CNTN1: variants seen among roughly 807,000 people sequenced by gnomAD.
The protein encoded by CNTN1 is contactin-1.
A neutral mutation model predicts 126.4 loss-of-function variants in CNTN1; 38 were observed. The ratio of observed to expected loss-of-function variants is 0.30; its 90% CI spans 0.23 to 0.39. The LOEUF is 0.39. Ranked by LOEUF, CNTN1 falls within the 10% of genes least tolerant of loss-of-function variation. The pLI, the probability that CNTN1 is intolerant of heterozygous loss-of-function variation, is 1.00. For missense variants in CNTN1, 1,009 were observed against 1,248.4 expected (o/e 0.81, Z 2.89); for synonymous variants, 413 against 422.6 (o/e 0.98, Z 0.28).
chr12:40,888,599 A>T (rs550209812), intron 1 of CNTN1, among the ~76,000 whole-genome samples: 1 of 151,610 alleles, frequency 6.6e-6, no homozygotes, highest in East Asian at 1.9e-4. Context: ...ACGTAAAGAA[A>T]TGTGATTAAC....
At position 40,971,381 on chromosome 12, in the gene CNTN1, C is replaced by G. The variant is rs1947504125; in HGVS notation, c.1805-9528C>G. 3 of 1,477,520 alleles carry G rather than the reference C, an allele frequency of 2.0e-6. No homozygotes were observed. In the Admixed American group the frequency reaches 5.5e-5, roughly 27 times the overall value. 91.5% of individuals were successfully genotyped at this position (1,477,520 alleles called of 1,614,324 possible). A position where few individuals can be genotyped will look rare whatever the true frequency, so the allele number is the denominator to read the frequency against. ...AATCCCCCAAGTGCATGGCTTCCTG[C>G]CCCTAATTGGGCATCCACACTCTCC... On this transcript the variant is annotated intron_variant, in intron 15 of 23. Transcript: ENST00000551295.
intron 1 of CNTN1, among the ~76,000 whole-genome samples, chr12:40,751,508 A>G (rs1277217550): frequency 6.6e-6 from 1 of 152,050 alleles, no homozygotes; most frequent in Non-Finnish European, 1.5e-5. Context: ...AGAGAGAGAA[A>G]TAAAGGAGGT....
rs538728156 is a variant in CNTN1 at position 41,031,529 on chromosome 12, ATT to A, written c.2980+2311_2980+2312del. Among the ~76,000 whole-genome samples the A allele has an allele frequency of 3.4e-3, 525 of 152,320 alleles. 2 individuals are homozygous for A. The highest frequency in any genetic ancestry group is 0.012 in the African/African-American group (489 of 41,570). ...ATTTTAATAATTACATTTTTAACAC[ATT>A]GCTCATACATTTCCTAAAAATTTAA... On this transcript the variant is annotated intron_variant, in intron 23 of 23. Transcript: ENST00000551295.
chr12:40,835,739 G>C (rs529392439), intron 1 of CNTN1, among the ~76,000 whole-genome samples: 1 of 150,636 alleles, frequency 6.6e-6, no homozygotes, highest in South Asian at 2.1e-4. Context: ...TTAATCTCTT[G>C]AATTAAACTT....
intron 1 of CNTN1, chr12:40,895,881 C>T (rs1355123104): frequency 6.6e-6 from 1 of 151,996 alleles, no homozygotes; most frequent in African/African-American, 2.4e-5. Context: ...CCTCAGCCTC[C>T]CGAGTAGCTG....
chr12:40,943,031 A>C (rs948940765), intron 12 of CNTN1, among the ~76,000 whole-genome samples: 5 of 152,080 alleles, frequency 3.3e-5, no homozygotes, highest in Admixed American at 2.0e-4. Context: ...TATACAATAA[A>C]ACTTAGTGAG....
intron 17 of CNTN1, among the ~76,000 whole-genome samples, chr12:40,994,699 G>A (rs986803799): frequency 2.2e-4 from 33 of 151,998 alleles, no homozygotes; most frequent in Admixed American, 1.0e-3. Context: ...TACATATCCT[G>A]ATGAAATTTC....
chr12:40,707,227 CTTTTT>C (rs370984371), intron 1 of CNTN1, among the ~76,000 whole-genome samples: 2 of 109,176 alleles, frequency 1.8e-5, no homozygotes, highest in Non-Finnish European at 3.6e-5. Flanking sequence ...TTTTCTTTTT[CTTTTT>C]TTTTTTTTTT....
At position 41,070,089 on chromosome 12, in the gene CNTN1, C is replaced by G. The variant is rs2069706845; in HGVS notation, c.*54C>G. On this transcript the variant is annotated 3_prime_UTR_variant, in exon 24 of 24. Transcript: ENST00000551295. ...CCAGCTCAGAAGACACCCTTCAACC[C>G]TGGGATGACCACAATTCCTTCCAAT... 2.7e-6 allele frequency: 4 copies of G among 1,471,852 alleles called. No homozygotes were observed. The highest frequency in any genetic ancestry group is 3.8e-6 in the Non-Finnish European group (4 of 1,051,554). 91.2% of individuals were successfully genotyped at this position (1,471,852 alleles called of 1,614,324 possible).
chr12:40,910,526 C>T (rs993135447), intron 3 of CNTN1, among the ~76,000 whole-genome samples: 3 of 152,070 alleles, frequency 2.0e-5, no homozygotes, highest in Non-Finnish European at 4.4e-5. Flanking sequence ...ACAGGTATTG[C>T]AAAATTTATT....
At chr12:40,880,619 T>C (rs899479350) in intron 1 of CNTN1, among the ~76,000 whole-genome samples, 1 of 152,014 alleles carries the variant, frequency 6.6e-6, no homozygotes, top group South Asian at 2.1e-4. Context: ...TAGTAAAAGA[T>C]TGTGCGTCAC....
chr12:41,042,233 G>A (rs555075419), intron 23 of CNTN1, among the ~76,000 whole-genome samples: 1 of 151,212 alleles, frequency 6.6e-6, no homozygotes, highest in Admixed American at 6.6e-5. Context: ...GTTTTGAGTG[G>A]GTTTCTTAAT....
intron 23 of CNTN1, among the ~76,000 whole-genome samples, chr12:41,036,212 C>T (rs1198581991): frequency 6.6e-6 from 1 of 152,140 alleles, no homozygotes; most frequent in East Asian, 1.9e-4. Flanking sequence ...ACTCCAGCTT[C>T]TTCTTTTCTA....
chr12:40,796,776 A>C (rs992550185), intron 1 of CNTN1, among the ~76,000 whole-genome samples: 1 of 152,116 alleles, frequency 6.6e-6, no homozygotes. Context: ...GAGTTCGGAC[A>C]AAAGTCAGAA....
intron 1 of CNTN1, among the ~76,000 whole-genome samples, chr12:40,901,897 C>A (rs560735190): frequency 6.6e-6 from 1 of 152,174 alleles, no homozygotes; most frequent in South Asian, 2.1e-4. Context: ...AATGGTTAGA[C>A]TTTTGTTTAT....
chr12:40,948,130 G>A (rs1300777170), intron 14 of CNTN1, among the ~76,000 whole-genome samples: 1 of 151,750 alleles, frequency 6.6e-6, no homozygotes, highest in Non-Finnish European at 1.5e-5. Flanking sequence ...ATAGAGACTT[G>A]GCACAGCATC....
intron 23 of CNTN1, among the ~76,000 whole-genome samples, chr12:41,043,015 A>C (rs1267910688): frequency 6.6e-6 from 1 of 152,210 alleles, no homozygotes; most frequent in African/African-American, 2.4e-5. Flanking sequence ...TGGATTAAAG[A>C]CTTACATGTT....
At chr12:40,834,403 T>A (rs999582871) in intron 1 of CNTN1, among the ~76,000 whole-genome samples, 1 of 152,084 alleles carries the variant, frequency 6.6e-6, no homozygotes, top group African/African-American at 2.4e-5. Context: ...AAGTGGCAAA[T>A]TGATGGCTTA....
Position 41,062,500 on chromosome 12 carries a change from G to A in CNTN1, c.2981-7459G>A, listed in dbSNP as rs181878877. Among the ~76,000 whole-genome samples the A allele has an allele frequency of 3.5e-3, 526 of 152,032 alleles. 2 individuals are homozygous for A. Among genetic ancestry groups the A allele is most frequent in the African/African-American group, 0.012 (490 of 41,486 alleles). ...TAACATTTAGACAGGATGGAAACCT[G>A]GAAAGAAAAAAATTATGCAAGAGAA... On this transcript the variant is annotated intron_variant, in intron 23 of 23. Transcript: ENST00000551295.
Sources: gnomAD v4.1 joint callset for allele counts (sites outside exome capture counted in the v4.1 genomes callset) on GRCh38, gnomAD v4.1.1 for gene constraint, MANE v1.5 for transcripts, NCBI Gene and HGNC (gene_info 2026-07-23, HGNC 2026-07-21) for gene names.